The following SYT1 variants were observed in gnomAD, a reference collection of about 807,000 sequenced individuals.
SYT1 encodes synaptotagmin-1.
SYT1 carries 8 observed loss-of-function variants against 44.8 expected under a neutral mutation model. The observed-to-expected ratio is 0.18, with a 90% CI of 0.10 to 0.32. The LOEUF is 0.32. SYT1 is among the 10% of genes least tolerant of loss of function. SYT1 has a pLI of 1.00. For synonymous variants in SYT1, 154 were observed against 188.8 expected (o/e 0.82, Z 1.51); for missense variants, 286 against 509.3 (o/e 0.56, Z 4.22).
chr12:78,885,842 G>A (rs1306485397), intron 1 of SYT1, among the ~76,000 whole-genome samples: 1 of 151,960 alleles, frequency 6.6e-6, no homozygotes, highest in Non-Finnish European at 1.5e-5. Context: ...AAATATTCTT[G>A]CTAGAATAGA....
chr12:78,933,539 C>T, intron 1 of SYT1, among the ~76,000 whole-genome samples: 1 of 151,998 alleles, frequency 6.6e-6, no homozygotes, highest in East Asian at 1.9e-4. Context: ...TTCTCAAGGT[C>T]CCATTTCTTT....
At chr12:78,955,212 A>G (rs1247031705) in intron 1 of SYT1, among the ~76,000 whole-genome samples, 1 of 152,154 alleles carries the variant, frequency 6.6e-6, no homozygotes, top group Non-Finnish European at 1.5e-5. Context: ...TGTTATATTC[A>G]GGTGATATCT....
intron 3 of SYT1, among the ~76,000 whole-genome samples, chr12:79,170,550 T>C (rs563889034): frequency 3.3e-5 from 5 of 152,058 alleles, no homozygotes; most frequent in Admixed American, 2.6e-4. Flanking sequence ...GGATTGTTTG[T>C]GGGGTTTTTT....
intron 3 of SYT1, among the ~76,000 whole-genome samples, chr12:79,110,392 A>T (rs960249921): frequency 6.6e-6 from 1 of 152,180 alleles, no homozygotes; most frequent in Admixed American, 6.6e-5. Flanking sequence ...ATAGGACATA[A>T]GTCCTTTTTT....
At chr12:79,247,969 G>A (rs1023291905) in intron 4 of SYT1, among the ~76,000 whole-genome samples, 1 of 152,128 alleles carries the variant, frequency 6.6e-6, no homozygotes, top group Non-Finnish European at 1.5e-5. Context: ...AGAAAATGAA[G>A]GTCAATAAAG....
At chr12:79,217,210 C>T (rs918437036) in intron 3 of SYT1, among the ~76,000 whole-genome samples, 1 of 152,160 alleles carries the variant, frequency 6.6e-6, no homozygotes, top group Non-Finnish European at 1.5e-5. Flanking sequence ...TAAATCTACA[C>T]AGCAAATAAT....
chr12:79,235,801 G>A (rs1251312004), intron 4 of SYT1, among the ~76,000 whole-genome samples: 3 of 151,870 alleles, frequency 2.0e-5, no homozygotes, highest in Non-Finnish European at 1.5e-5. Flanking sequence ...AGCATTCTTA[G>A]TAAGAAAATA....
At chr12:79,193,728 A>T (rs1168006203) in intron 3 of SYT1, among the ~76,000 whole-genome samples, 2 of 151,636 alleles carry the variant, frequency 1.3e-5, no homozygotes, top group Non-Finnish European at 2.9e-5. Context: ...CATCTCTAAG[A>T]TCCATCAAGT....
chr12:78,915,842 A>G (rs1025336998), intron 1 of SYT1, among the ~76,000 whole-genome samples: 1 of 152,024 alleles, frequency 6.6e-6, no homozygotes, highest in African/African-American at 2.4e-5. Flanking sequence ...GAAAACCACT[A>G]TGCTTGAGAC....
intron 8 of SYT1, among the ~76,000 whole-genome samples, chr12:79,347,510 C>T (rs754496120): frequency 6.6e-6 from 1 of 152,140 alleles, no homozygotes; most frequent in Non-Finnish European, 1.5e-5. Context: ...CCTGTGTAAT[C>T]CTGATTCCCT....
chr12:78,905,777 A>AT (rs201250048), intron 1 of SYT1, among the ~76,000 whole-genome samples: 2,363 of 151,422 alleles, frequency 0.016, 64 homozygotes, highest in African/African-American at 0.054. Context: ...GACCTTTTTA[A>AT]TTTTTTTTTA....
intron 9 of SYT1, among the ~76,000 whole-genome samples, chr12:79,408,140 G>A (rs1353268548): frequency 6.6e-6 from 1 of 152,140 alleles, no homozygotes; most frequent in Non-Finnish European, 1.5e-5. Flanking sequence ...GGCAGTAGCA[G>A]CCAAGGATTT....
chr12:79,044,418 T>G (rs1360703785), intron 2 of SYT1, among the ~76,000 whole-genome samples: 1 of 151,834 alleles, frequency 6.6e-6, no homozygotes, highest in African/African-American at 2.4e-5. Context: ...GTTGATCGCA[T>G]TGGCTCCTGA....
intron 8 of SYT1, among the ~76,000 whole-genome samples, chr12:79,346,327 AAAT>A (rs1882605368): frequency 1.3e-5 from 2 of 152,138 alleles, no homozygotes; most frequent in African/African-American, 4.8e-5. Flanking sequence ...ATTTTTTTAA[AAAT>A]AATGAAATTA....
intron 9 of SYT1, among the ~76,000 whole-genome samples, chr12:79,395,680 C>T (rs774853610): frequency 6.6e-6 from 1 of 150,496 alleles, no homozygotes; most frequent in Non-Finnish European, 1.5e-5. Flanking sequence ...AGCCAACATG[C>T]CTGACTATTA....
intron 4 of SYT1, among the ~76,000 whole-genome samples, chr12:79,246,921 G>A (rs1876884226): frequency 6.6e-6 from 1 of 152,168 alleles, no homozygotes; most frequent in South Asian, 2.1e-4. Context: ...CCCAGTGGCT[G>A]GAACATAAGG....
In SYT1 at chr12:79,299,459, A is replaced by G; in HGVS notation, c.718A>G (p.Ile240Val). ...TTTTGATCGTTTCTCTAAGCATGAC[A>G]TCATTGGAGAATTTAAAGTCCCTAT... ...YDFDRFSKHD[I>V]IGEFKVPMNT... is the part of the protein sequence containing the mutation. Residue 240 changes from isoleucine (I) to valine (V), a missense_variant, in exon 8 of 11, where the codon ATC (isoleucine) becomes GTC (valine). By Grantham distance (29) the Ile-to-Val change is conservative. Transcript: ENST00000261205. 1.9e-6 allele frequency: 3 copies of G among 1,613,640 alleles called. No homozygotes were observed. Among genetic ancestry groups the G allele is most frequent in the Non-Finnish European group, 2.5e-6 (3 of 1,179,664 alleles).
chr12:79,423,207 T>G (rs917985141), intron 9 of SYT1, among the ~76,000 whole-genome samples: 1 of 152,166 alleles, frequency 6.6e-6, no homozygotes, highest in Non-Finnish European at 1.5e-5. Flanking sequence ...TGTGCACACG[T>G]GCATGCATGC....
At chr12:79,065,919 A>C (rs1167754648) in intron 3 of SYT1, among the ~76,000 whole-genome samples, 3 of 152,174 alleles carry the variant, frequency 2.0e-5, no homozygotes, top group Non-Finnish European at 4.4e-5. Flanking sequence ...GGAAGAGGAA[A>C]GTTAGTGCCC....
Sources: allele counts gnomAD v4.1 joint callset (sites outside exome capture counted in the v4.1 genomes callset), GRCh38; gene constraint gnomAD v4.1.1; transcripts MANE v1.5; gene names NCBI Gene and HGNC (gene_info 2026-07-23, HGNC 2026-07-21).